Variants in FBN1 observed in about 807,000 individuals in gnomAD.
FBN1 encodes the protein fibrillin-1.
Under a neutral mutation model 365.1 loss-of-function variants are expected in FBN1, and 29 were observed. The observed-to-expected ratio is 0.08, with a 90% CI of 0.06 to 0.11. FBN1 has a LOEUF of 0.11. Among genes scored for constraint, FBN1 ranks in the 10% least tolerant of loss-of-function variants. The probability of loss-of-function intolerance (pLI) is 1.00; values close to 1 mark genes in which losing one functional copy is unlikely to be tolerated. For synonymous variants in FBN1, 1,210 were observed against 1,270.5 expected, an observed-to-expected ratio of 0.95 and a Z score of 1.01; for missense variants, 2,476 against 3,703.2, an observed-to-expected ratio of 0.67 and a Z score of 8.60.
intron 46 of FBN1, among the ~76,000 whole-genome samples, chr15:48,448,131 ATTACTATATTAATTGT>A (rs1226294149): frequency 6.6e-6 from 1 of 152,150 alleles, no homozygotes; most frequent in Non-Finnish European, 1.5e-5. Flanking sequence ...GGACTTAAAC[ATTACTATATTAATTGT>A]TCTTTCAGCT....
intron 19 of FBN1, among the ~76,000 whole-genome samples, chr15:48,496,632 G>T (rs2043611281): frequency 6.6e-6 from 1 of 152,080 alleles, no homozygotes; most frequent in South Asian, 2.1e-4. Context: ...TAGAAAGTAT[G>T]GTCCAACTTT....
At chr15:48,458,620 C>T (rs1241270086) in intron 43 of FBN1, among the ~76,000 whole-genome samples, 2 of 152,128 alleles carry the variant, frequency 1.3e-5, no homozygotes, top group Non-Finnish European at 2.9e-5. Flanking sequence ...TCAAGTTTAA[C>T]AATAACGGGC....
At chr15:48,616,751 T>G (rs1352342800) in intron 2 of FBN1, among the ~76,000 whole-genome samples, 1 of 152,168 alleles carries the variant, frequency 6.6e-6, no homozygotes, top group African/African-American at 2.4e-5. Context: ...CAAAGTCGGA[T>G]TTAAAGCTCT....
chr15:48,590,032 A>T (rs2044466276), intron 6 of FBN1, among the ~76,000 whole-genome samples: 1 of 152,234 alleles, frequency 6.6e-6, no homozygotes. Flanking sequence ...AAATATACAT[A>T]GTTCACAGAG....
intron 63 of FBN1, among the ~76,000 whole-genome samples, chr15:48,419,461 C>A (rs1035226221): frequency 1.3e-5 from 2 of 152,174 alleles, no homozygotes; most frequent in Non-Finnish European, 2.9e-5. Flanking sequence ...AAAGTTCACT[C>A]TGGAAGTTCT....
At chr15:48,415,234 G>A (rs1020906735) in intron 64 of FBN1, among the ~76,000 whole-genome samples, 1 of 152,184 alleles carries the variant, frequency 6.6e-6, no homozygotes, top group African/African-American at 2.4e-5. Flanking sequence ...GCAGAGAGGT[G>A]TATTTACAGA....
chr15:48,432,495 A>T (rs1049458799), intron 55 of FBN1, among the ~76,000 whole-genome samples: 1 of 152,174 alleles, frequency 6.6e-6, no homozygotes, highest in African/African-American at 2.4e-5. Flanking sequence ...ATATATAATC[A>T]CCATAGCATT....
At chr15:48,458,043 C>A (rs2043254210) in intron 43 of FBN1, among the ~76,000 whole-genome samples, 1 of 152,206 alleles carries the variant, frequency 6.6e-6, no homozygotes, top group Non-Finnish European at 1.5e-5. Context: ...AGCCCCTTGG[C>A]TGGGTTTGAT....
chr15:48,533,689 A>G (rs192125179), intron 8 of FBN1, among the ~76,000 whole-genome samples: 33 of 152,294 alleles, frequency 2.2e-4, no homozygotes, highest in African/African-American at 7.5e-4. Context: ...AATCAAACAT[A>G]CCTTTTAACT....
At chr15:48,625,763 A>AT (rs1889864110) in intron 2 of FBN1, among the ~76,000 whole-genome samples, 1 of 152,192 alleles carries the variant, frequency 6.6e-6, no homozygotes. Context: ...TTTGAATCCT[A>AT]TTTGGTGACT....
chr15:48,478,756 C>T (rs1597556980), intron 32 of FBN1, among the ~76,000 whole-genome samples: 2 of 152,096 alleles, frequency 1.3e-5, no homozygotes, highest in Non-Finnish European at 2.9e-5. Context: ...ACAAAGCTTA[C>T]GGAGTAAAAA....
At chr15:48,598,994 C>T (rs2044537287) in intron 5 of FBN1, among the ~76,000 whole-genome samples, 1 of 152,144 alleles carries the variant, frequency 6.6e-6, no homozygotes, top group Non-Finnish European at 1.5e-5. Flanking sequence ...CTGCTGCCAT[C>T]CATGTAAGAC....
chr15:48,489,781 G>A (rs2043540200), intron 25 of FBN1, 70 bp downstream of exon 25: 2 of 1,172,886 alleles, frequency 1.7e-6, no homozygotes, highest in Non-Finnish European at 2.6e-6. Context: ...GTAGAGTGCT[G>A]AGATCATGAA....
chr15:48,517,951 T>C lies in FBN1; in HGVS notation c.1148-1589A>G, dbSNP rs536383608. On this transcript the variant is annotated intron_variant, in intron 10 of 65. Coordinates refer to ENST00000316623, the MANE Select transcript of FBN1 (RefSeq NM_000138.5). ...AACCTCACGGGACATTCTGCCAATT[T>C]ACATGAGGTTAAATAGGAAAGTACT... Among the ~76,000 whole-genome samples, 8 of 152,342 alleles carry C rather than the reference T, an allele frequency of 5.3e-5. No homozygotes were observed. In the East Asian group the frequency reaches 1.5e-3, roughly 29 times the overall value.
At chr15:48,481,855 C>T (rs1597559160) in intron 31 of FBN1, 75 bp from the exon 32 acceptor site, 1 of 1,415,180 alleles carries the variant, frequency 7.1e-7, no homozygotes, top group East Asian at 2.3e-5. Context: ...GACATAATAA[C>T]TATGACAAAT....
intron 40 of FBN1, 24 bp downstream of exon 40, chr15:48,465,544 T>C: frequency 6.2e-7 from 1 of 1,613,796 alleles, no homozygotes; most frequent in South Asian, 1.1e-5. Flanking sequence ...TGCAAGACCT[T>C]ATCATCCTAC....
intron 25 of FBN1, among the ~76,000 whole-genome samples, chr15:48,489,628 A>C (rs1369134964): frequency 6.6e-6 from 1 of 152,214 alleles, no homozygotes; most frequent in East Asian, 1.9e-4. Context: ...CCTAGAAACT[A>C]TCTGAAACTA....
intron 49 of FBN1, 139 bp downstream of exon 49, chr15:48,444,402 G>T: frequency 1.0e-6 from 1 of 966,082 alleles, no homozygotes; most frequent in Non-Finnish European, 1.7e-6. Flanking sequence ...AGAAGGATGA[G>T]ACCATGTCAT....
intron 55 of FBN1, among the ~76,000 whole-genome samples, chr15:48,431,778 C>T (rs1432926680): frequency 5.3e-5 from 8 of 152,084 alleles, no homozygotes; most frequent in Admixed American, 3.9e-4. Context: ...CCTCAGCCTC[C>T]CAAGTAGGTG....
Sources: allele counts gnomAD v4.1 joint callset (sites outside exome capture counted in the v4.1 genomes callset), GRCh38; gene constraint gnomAD v4.1.1; transcripts MANE v1.5; gene names NCBI Gene and HGNC (gene_info 2026-07-23, HGNC 2026-07-21).